The following RIPOR3 variants were observed in gnomAD, a reference collection of about 807,000 sequenced individuals.
RIPOR3 encodes family with sequence similarity 65 member C.
In RIPOR3, 95 loss-of-function variants were observed where a neutral mutation model predicts 114.3. The ratio of observed to expected loss-of-function variants is 0.83; its 90% CI spans 0.70 to 0.99. The LOEUF (loss-of-function observed/expected upper bound fraction) is 0.99. Among genes scored for constraint, RIPOR3 ranks in the 50% least tolerant of loss-of-function variants. The pLI is 0.00. For synonymous variants in RIPOR3, 575 were observed against 543.8 expected (o/e 1.06, Z -0.80); for missense variants, 1,252 against 1,266.9 (o/e 0.99, Z 0.18).
chr20:50,688,769 T>C (rs2087110929), intron 1 of RIPOR3, among the ~76,000 whole-genome samples: 1 of 151,978 alleles, frequency 6.6e-6, no homozygotes, highest in Non-Finnish European at 1.5e-5. Flanking sequence ...CAGGGAAGCA[T>C]CTCCAAATGG....
intron 1 of RIPOR3, among the ~76,000 whole-genome samples, chr20:50,655,684 TG>T (rs1474413133): frequency 6.7e-6 from 1 of 149,918 alleles, no homozygotes; most frequent in Non-Finnish European, 1.5e-5. Context: ...TGTGTGTGTG[TG>T]TGTGTGTGTG....
chr20:50,684,619 G>A (rs908835714), intron 1 of RIPOR3, among the ~76,000 whole-genome samples: 1 of 152,136 alleles, frequency 6.6e-6, no homozygotes, highest in Non-Finnish European at 1.5e-5. Context: ...AGACCAGGAG[G>A]GAGGCAAGAG....
rs1485696940 is a variant in RIPOR3, at chr20:50,604,626, C to T, written c.1086+19G>A. 2 of 1,599,562 alleles carry T rather than the reference C, an allele frequency of 1.3e-6. No individual in the cohort carries two copies. The highest frequency in any genetic ancestry group is 3.5e-5 in the Admixed American group (2 of 57,352). On this transcript the variant is annotated intron_variant, in intron 12 of 21. Transcript: ENST00000327979. ...CCCAGGGTGACCACAGCGGCCCTGC[C>T]CCGGGAAGGCTCACTCACCAGGTAG...
chr20:50,592,963 A>G, intron 18 of RIPOR3, 72 bp downstream of exon 18: 1 of 1,560,178 alleles, frequency 6.4e-7, no homozygotes, highest in Non-Finnish European at 8.7e-7. Context: ...CTGAATTATA[A>G]CCTGAGAAAC....
At chr20:50,620,882 G>A (rs6096029) in intron 2 of RIPOR3, 22 of 673,982 alleles carry the variant, frequency 3.3e-5, no homozygotes, top group Non-Finnish European at 6.1e-5. Flanking sequence ...GTTTGTGCGG[G>A]ACATGATCCG....
chr20:50,607,692 A>G (rs1240362182), intron 11 of RIPOR3, among the ~76,000 whole-genome samples: 1 of 152,102 alleles, frequency 6.6e-6, no homozygotes, highest in Non-Finnish European at 1.5e-5. Context: ...TGGTCGCTCA[A>G]CAGAATTCAC....
chr20:50,612,157 A>G (rs1266121835), intron 4 of RIPOR3, among the ~76,000 whole-genome samples: 1 of 151,624 alleles, frequency 6.6e-6, no homozygotes, highest in Non-Finnish European at 1.5e-5. Flanking sequence ...AAGTAGGACC[A>G]TCTAAAACAT....
chr20:50,643,702 CTTTCTTTTTT>C (rs2085287030), intron 1 of RIPOR3, among the ~76,000 whole-genome samples: 1 of 109,832 alleles, frequency 9.1e-6, no homozygotes, highest in Non-Finnish European at 1.7e-5. Context: ...TTCTTTCTTT[CTTTCTTTTTT>C]TTTTTTTTTT....
chr20:50,665,283 C>CAAAAA (rs546774316), intron 1 of RIPOR3, among the ~76,000 whole-genome samples: 1 of 134,566 alleles, frequency 7.4e-6, no homozygotes, highest in Non-Finnish European at 1.6e-5. Context: ...CTAAAAATAC[C>CAAAAA]AAAAAAAAAA....
At position 50,589,307 on chromosome 20, in the gene RIPOR3, C is replaced by CT. The variant is rs1241590522; in HGVS notation, c.2661+378dup. 5.8e-3 allele frequency among the ~76,000 whole-genome samples: 796 copies of CT among 137,706 alleles called. 3 individuals are homozygous for CT. Among genetic ancestry groups the CT allele is most frequent in the Middle Eastern group, 0.015 (4 of 272 alleles). The allele number at this position is 137,706 out of a possible 152,430, so 90.3% of individuals were successfully genotyped here. On this transcript the variant is annotated intron_variant, in intron 20 of 21. Transcript: ENST00000327979. The stretch of plus-strand genomic sequence containing the variant: ...TCTTTTCTATCTCTGTATTTTGTAA[C>CT]TTTTTTTTTTTTTTTTTTAAGATGG...
rs753202597 is a variant in RIPOR3 at position 50,592,338 on chromosome 20, A to G, written c.2577+6T>C. 4 of 1,563,132 alleles carry G rather than the reference A, an allele frequency of 2.6e-6. No homozygotes were observed. The highest frequency in any genetic ancestry group is 3.5e-6 in the Non-Finnish European group (4 of 1,149,372). On this transcript the variant is annotated splice_donor_region_variant and intron_variant, in intron 19 of 21. Coordinates refer to ENST00000327979, the MANE Select transcript of RIPOR3 (RefSeq NM_001290268.2). ...CAGGGTCTGCCACCTGCCCTGGACA[A>G]CGTACCTTTTCCCGGAAGCTTCTGT...
At chr20:50,673,613 C>A (rs898171736) in intron 1 of RIPOR3, among the ~76,000 whole-genome samples, 2 of 152,196 alleles carry the variant, frequency 1.3e-5, no homozygotes, top group Non-Finnish European at 2.9e-5. Context: ...CTGCACCCAC[C>A]CCCGATCAGC....
intron 1 of RIPOR3, among the ~76,000 whole-genome samples, chr20:50,676,200 C>T (rs1218744533): frequency 1.3e-5 from 2 of 152,160 alleles, no homozygotes; most frequent in Non-Finnish European, 2.9e-5. Flanking sequence ...TGTCTCACCC[C>T]GACGGGCTGC....
intron 1 of RIPOR3, among the ~76,000 whole-genome samples, chr20:50,670,934 T>C (rs1283274867): frequency 6.6e-6 from 1 of 152,006 alleles, no homozygotes; most frequent in Non-Finnish European, 1.5e-5. Flanking sequence ...ATTTATTTAT[T>C]TGATTTATTT....
At chr20:50,674,199 G>A (rs1024817468) in intron 1 of RIPOR3, among the ~76,000 whole-genome samples, 7 of 152,224 alleles carry the variant, frequency 4.6e-5, no homozygotes, top group Admixed American at 1.3e-4. Context: ...AAGTACAGCC[G>A]ACTCCAAGCT....
intron 13 of RIPOR3, among the ~76,000 whole-genome samples, chr20:50,600,429 C>T (rs4811082): frequency 0.69 from 104,800 of 152,010 alleles, 36,146 homozygotes; most frequent in Middle Eastern, 0.8. Context: ...ATGTGCATGC[C>T]GACTCAAATT....
intron 1 of RIPOR3, among the ~76,000 whole-genome samples, chr20:50,687,257 C>G (rs997743804): frequency 6.6e-6 from 1 of 152,260 alleles, no homozygotes; most frequent in Admixed American, 6.5e-5. Flanking sequence ...CCACATGCCG[C>G]TAGTGTAGAC....
chr20:50,632,832 A>C (rs2084863019), intron 1 of RIPOR3, among the ~76,000 whole-genome samples: 1 of 152,184 alleles, frequency 6.6e-6, no homozygotes, highest in South Asian at 2.1e-4. Context: ...TGGGTTTAGA[A>C]CCCGAGGATG....
At chr20:50,608,133 C>A (rs1343695651) in intron 11 of RIPOR3, among the ~76,000 whole-genome samples, 2 of 152,188 alleles carry the variant, frequency 1.3e-5, no homozygotes, top group African/African-American at 4.8e-5. Context: ...AAGTGTCCCC[C>A]CAACCTTCCC....
Sources: gnomAD v4.1 joint callset for allele counts (sites outside exome capture counted in the v4.1 genomes callset) on GRCh38, gnomAD v4.1.1 for gene constraint, MANE v1.5 for transcripts, NCBI Gene and HGNC (gene_info 2026-07-23, HGNC 2026-07-21) for gene names.